COX10: variants seen among roughly 807,000 people sequenced by gnomAD.
The protein encoded by COX10 is cytochrome c oxidase assembly factor heme A:farnesyltransferase COX10, also known as protoheme IX farnesyltransferase, mitochondrial.
In COX10, 27 loss-of-function variants were observed where a neutral mutation model predicts 37.3. The ratio of observed to expected loss-of-function variants is 0.72; its 90% confidence interval spans 0.53 to 1.00. COX10 has a LOEUF of 1.00. COX10 is among the 50% of genes least tolerant of loss of function. The pLI is 0.00. For synonymous variants in COX10, 222 were observed against 229.1 expected, an observed-to-expected ratio of 0.97 and a Z score of 0.28; for missense variants, 475 against 563.2, an observed-to-expected ratio of 0.84 and a Z score of 1.59.
intron 2 of COX10, 109 bp downstream of exon 2, chr17:14,074,565 G>T: frequency 9.1e-7 from 1 of 1,096,048 alleles, no homozygotes; most frequent in Non-Finnish European, 1.4e-6. Flanking sequence ...TGTTTGAAAA[G>T]AACTTTTATT....
chr17:14,144,902 G>A (rs1398393017), intron 4 of COX10, among the ~76,000 whole-genome samples: 1 of 152,030 alleles, frequency 6.6e-6, no homozygotes, highest in Non-Finnish European at 1.5e-5. Context: ...GGTTGGGATG[G>A]GGCAAAACTG....
At chr17:14,107,477 A>G (rs1915919441) in intron 4 of COX10, among the ~76,000 whole-genome samples, 1 of 151,908 alleles carries the variant, frequency 6.6e-6, no homozygotes, top group Non-Finnish European at 1.5e-5. Context: ...TGTAAATGAG[A>G]TGTAAAAATA....
At chr17:14,127,933 G>A (rs1340283429) in intron 4 of COX10, among the ~76,000 whole-genome samples, 4 of 101,832 alleles carry the variant, frequency 3.9e-5, no homozygotes, top group South Asian at 5.7e-4. Context: ...GTGTATGTGT[G>A]TGTGTGTGTG....
chr17:14,127,680 A>G (rs1597511483), intron 4 of COX10, among the ~76,000 whole-genome samples: 2 of 152,124 alleles, frequency 1.3e-5, no homozygotes, highest in Admixed American at 6.5e-5. Context: ...GAATGTATGC[A>G]TTGGCCTTGT....
chr17:14,195,140 C>G (rs1906331322), intron 6 of COX10, among the ~76,000 whole-genome samples: 1 of 152,180 alleles, frequency 6.6e-6, no homozygotes, highest in Non-Finnish European at 1.5e-5. Context: ...TTACATAATG[C>G]TTTAAACTAC....
intron 5 of COX10, among the ~76,000 whole-genome samples, chr17:14,175,973 G>C (rs1905675618): frequency 6.6e-6 from 1 of 152,136 alleles, no homozygotes; most frequent in Non-Finnish European, 1.5e-5. Context: ...ATGTGCAGTG[G>C]GAGAAGCCAG....
chr17:14,103,101 T>C (rs562031159), intron 4 of COX10, among the ~76,000 whole-genome samples: 61 of 151,702 alleles, frequency 4.0e-4, no homozygotes, highest in African/African-American at 1.4e-3. Context: ...TTCAAATAAG[T>C]TTTTTTGTTG....
At chr17:14,124,870 C>T (rs1389773193) in intron 4 of COX10, among the ~76,000 whole-genome samples, 1 of 152,126 alleles carries the variant, frequency 6.6e-6, no homozygotes, top group Non-Finnish European at 1.5e-5. Context: ...AAGTCACAAC[C>T]AGGTTATGAG....
At chr17:14,171,573 A>G (rs1170995667) in intron 5 of COX10, among the ~76,000 whole-genome samples, 4 of 151,798 alleles carry the variant, frequency 2.6e-5, no homozygotes, top group African/African-American at 9.7e-5. Context: ...ATTACTTCTC[A>G]GGGAATGCGT....
chr17:14,135,393 T>C (rs755806461), intron 4 of COX10, among the ~76,000 whole-genome samples: 7 of 151,868 alleles, frequency 4.6e-5, no homozygotes, highest in Non-Finnish European at 1.0e-4. Flanking sequence ...TGATTTTAGA[T>C]ATTAGGTTGG....
rs1440036435 is a variant in COX10 at position 14,178,063 on chromosome 17, CCTTCCCTGTACCT to C, written c.696-13922_696-13910del. The stretch of plus-strand genomic sequence containing the variant: ...AGTTTTATATCATCACTAGTAACTC[CCTTCCCTGTACCT>C]CTTACACATCACACAGGCAGCCAGT... On this transcript the variant is annotated intron_variant, in intron 5 of 6. Transcript: ENST00000261643. Among the ~76,000 whole-genome samples the C allele has an allele frequency of 1.1e-3, 72 of 68,380 alleles. 2 individuals carry two copies. The highest frequency in any genetic ancestry group is 3.0e-3 in the African/African-American group (71 of 23,484). 44.9% of individuals were successfully genotyped at this position (68,380 alleles called of 152,430 possible). A position where few individuals can be genotyped will look rare whatever the true frequency, so the allele number is the denominator to read the frequency against.
rs760759623 is a variant in COX10 at position 14,102,170 on chromosome 17, T to C, written c.552T>C (p.Phe184=). The change falls in exon 4 of 7, where the codon TTT becomes TTC. Residue 184 remains phenylalanine (F), a synonymous_variant. Transcript: ENST00000261643. ...AAGFALAPGP[F]DWPCFLLTSV... is the part of the protein sequence containing the mutation. ...GATTTGCATTGGCTCCGGGCCCTTTTGACTGGCCCTGTTTCCTGCTTACTT... is the reference window on the plus strand; with the variant it reads ...GATTTGCATTGGCTCCGGGCCCTTTCGACTGGCCCTGTTTCCTGCTTACTT... The C allele has an allele frequency of 6.8e-6, 11 of 1,613,706 alleles. No homozygotes were observed. In the East Asian group the frequency reaches 2.5e-4, roughly 36 times the overall value.
chr17:14,189,284 T>A (rs1906130410), intron 5 of COX10, among the ~76,000 whole-genome samples: 1 of 152,174 alleles, frequency 6.6e-6, no homozygotes, highest in Admixed American at 6.5e-5. Flanking sequence ...TGGTTGTTGT[T>A]TCTACTGTTA....
chr17:14,155,392 G>C (rs1049747283), intron 4 of COX10, among the ~76,000 whole-genome samples: 1 of 151,820 alleles, frequency 6.6e-6, no homozygotes, highest in African/African-American at 2.4e-5. Flanking sequence ...GAGAAAGATG[G>C]GGCTGCACAC....
chr17:14,106,712 A>G (rs1246866387), intron 4 of COX10, among the ~76,000 whole-genome samples: 2 of 152,072 alleles, frequency 1.3e-5, no homozygotes, highest in Middle Eastern at 3.4e-3. Flanking sequence ...TTTTAATTCA[A>G]GTTGTTTTGA....
chr17:14,086,882 T>G (rs971448994), intron 3 of COX10, among the ~76,000 whole-genome samples: 1 of 152,182 alleles, frequency 6.6e-6, no homozygotes, highest in African/African-American at 2.4e-5. Context: ...GCTTTCTTCA[T>G]TATAATTTTC....
rs9789014 is a variant in COX10, at chr17:14,204,872, C to A, written c.929-1938C>A. On this transcript the variant is annotated intron_variant, in intron 6 of 6. Transcript: ENST00000261643. ...ATCTCTGTACTTTGAGAGGCTGAGG[C>A]AGGAGGATTGCTTGGGGCCAGGAGT... is the stretch of plus-strand genomic sequence containing the variant. Among the ~76,000 whole-genome samples the A allele has an allele frequency of 8.7e-3, 1,321 of 152,306 alleles. 48 individuals carry two copies. In the East Asian group the frequency reaches 0.093, roughly 11 times the overall value.
intron 3 of COX10, among the ~76,000 whole-genome samples, chr17:14,100,303 G>A (rs1915747518): frequency 6.6e-6 from 1 of 152,114 alleles, no homozygotes; most frequent in African/African-American, 2.4e-5. Context: ...ACTGCTCTAT[G>A]CCTAGCTCAG....
intron 4 of COX10, among the ~76,000 whole-genome samples, chr17:14,129,282 A>G (rs1916412542): frequency 6.6e-6 from 1 of 151,902 alleles, no homozygotes; most frequent in South Asian, 2.1e-4. Flanking sequence ...TTACTGAAAT[A>G]ACACTTTATA....
Sources: allele counts gnomAD v4.1 joint callset (sites outside exome capture counted in the v4.1 genomes callset), GRCh38; gene constraint gnomAD v4.1.1; transcripts MANE v1.5; gene names NCBI Gene and HGNC (gene_info 2026-07-23, HGNC 2026-07-21).